The following TTN variants were observed in gnomAD, a reference collection of about 807,000 sequenced individuals.
TTN encodes the protein titin.
A neutral mutation model predicts 3,223.0 loss-of-function variants in TTN; 1,525 were observed. That is an observed-to-expected ratio of 0.47 (90% confidence interval 0.45 to 0.49). TTN has a LOEUF of 0.49. TTN is among the 20% of genes least tolerant of loss of function. The pLI, the probability that TTN is intolerant of heterozygous loss-of-function variation, is 0.00. For missense variants in TTN, 40,786 were observed against 43,424.0 expected (o/e 0.94, Z 5.40); for synonymous variants, 14,094 against 15,161.0 (o/e 0.93, Z 5.17).
Position 178,773,486 on chromosome 2 carries a change from T to A in TTN, c.7570A>T (p.Thr2524Ser), listed in dbSNP as rs797046067. The change falls in exon 32 of 363, where the codon ACC becomes TCC. Residue 2524 changes from threonine to serine, a missense_variant. Thr to Ser is a moderately conservative substitution (Grantham distance 58). Coordinates refer to ENST00000589042, the MANE Select transcript of TTN (RefSeq NM_001267550.2). ...CTTTCTACAGAGAGATTACAGTTGGTTTCAACTCTGCCAACTATCAGCTTG... is the reference window on the plus strand; with the variant it reads ...CTTTCTACAGAGAGATTACAGTTGGATTCAACTCTGCCAACTATCAGCTTG... ...PYKLIVGRVE[T>S]NCNLSVEKIK... 1.2e-6 allele frequency: 2 copies of A among 1,613,924 alleles called. No individual in the cohort carries two copies. The highest frequency in any genetic ancestry group is 2.7e-5 in the African/African-American group (2 of 74,930).
In TTN at chr2:178,802,282, G is replaced by A. The variant is rs397517489; in HGVS notation, c.151C>T (p.Leu51=). The change falls in exon 3 of 363, where the codon CTG becomes TTG. Residue 51 remains leucine, a synonymous_variant. Coordinates refer to ENST00000589042, the MANE Select transcript of TTN (RefSeq NM_001267550.2). ...RDGQVISTST[L]PGVQISFSDG... ...CTAAAGGAGATCTGCACGCCGGGCA[G>A]AGTGGAAGTGGAAATCACCTGGCCA... 6 of 1,614,170 alleles carry A rather than the reference G, an allele frequency of 3.7e-6. No homozygotes were observed. Among genetic ancestry groups the A allele is most frequent in the Non-Finnish European group, 4.2e-6 (5 of 1,180,016 alleles).
intron 173 of TTN, 43 bp downstream of exon 173, chr2:178,663,223 A>G (rs1380045499): frequency 6.7e-7 from 1 of 1,496,872 alleles, no homozygotes; most frequent in Non-Finnish European, 9.0e-7. Flanking sequence ...TAGTTAAAAT[A>G]ACAGTTATTT....
At position 178,688,093 on chromosome 2, in the gene TTN, C is replaced by G; in HGVS notation, c.32311+18G>C. 1 of 1,602,560 alleles carries G rather than the reference C, an allele frequency of 6.2e-7. No individual in the cohort carries two copies. The highest frequency in any genetic ancestry group is 8.5e-7 in the Non-Finnish European group (1 of 1,171,012). On this transcript the variant is annotated intron_variant, in intron 127 of 362. Transcript: ENST00000589042. ...CATCAAAACCCCAGATCATCTCTAG[C>G]TTATTTGCATTGTTTACCTTCATAT...
chr2:178,573,501 A>T lies in TTN; in HGVS notation c.72631T>A (p.Ser24211Thr), dbSNP rs758212615. The change falls in exon 326 of 363, where the codon TCA becomes ACA. Residue 24211 changes from serine to threonine, a missense_variant. Physicochemically the swap from Ser to Thr is moderately conservative, Grantham distance 58. Transcript: ENST00000589042. ...GGATTCACTGCAAGCACAGGCTCTGATTCCAGTGGCTCTCCCACTCCATAT... is the reference window on the plus strand; with the variant it reads ...GGATTCACTGCAAGCACAGGCTCTGTTTCCAGTGGCTCTCCCACTCCATAT... Reference protein sequence around the residue: ...NKYGVGEPLESEPVLAVNPYG... With the variant: ...NKYGVGEPLETEPVLAVNPYG... 26 of 1,498,416 alleles carry T rather than the reference A, an allele frequency of 1.7e-5. No homozygotes were observed. The highest frequency in any genetic ancestry group is 3.6e-4 in the Middle Eastern group (2 of 5,576). The allele number at this position is 1,498,416 out of a possible 1,614,324, so 92.8% of individuals were successfully genotyped here. A position where few individuals can be genotyped will look rare whatever the true frequency, so the allele number is the denominator to read the frequency against.
In TTN at chr2:178,569,374, G is replaced by T. The variant is rs1371288648; in HGVS notation, c.76758C>A (p.Ser25586Arg). 1.9e-6 allele frequency: 3 copies of T among 1,613,290 alleles called. No homozygotes were observed. The highest frequency in any genetic ancestry group is 2.2e-5 in the East Asian group (1 of 44,846). The change falls in exon 326 of 363, where the codon AGC (serine) becomes AGA (arginine). Residue 25586 changes from serine (S) to arginine (R), a missense_variant. Ser to Arg is a moderately radical substitution (Grantham distance 110). Transcript: ENST00000589042. Reference sequence around the variant, plus strand: ...TAACAAAGGCAGACTTTGTTCCACTGCTGTTTTCTAATGTAAGCGTATATT... The same window carrying T: ...TAACAAAGGCAGACTTTGTTCCACTTCTGTTTTCTAATGTAAGCGTATATT... ...SGKYTLTLEN[S>R]SGTKSAFVTV...
At position 178,572,220 on chromosome 2, in the gene TTN, C is replaced by T. The variant is rs867655242; in HGVS notation, c.73912G>A (p.Glu24638Lys). 1.2e-6 allele frequency: 2 copies of T among 1,613,420 alleles called. No individual in the cohort carries two copies. The highest frequency in any genetic ancestry group is 8.5e-7 in the Non-Finnish European group (1 of 1,179,616). Residue 24638 changes from glutamate to lysine, a missense_variant, in exon 326 of 363, where the codon GAG becomes AAG. Transcript: ENST00000589042. ...VTRNSVSLSW[E>K]KPEHDGGSRI... Reference sequence around the variant, plus strand: ...CTGCCTCCATCATGCTCTGGTTTCTCCCAAGAGAGTGACACACTATTTCTT... The same window carrying T: ...CTGCCTCCATCATGCTCTGGTTTCTTCCAAGAGAGTGACACACTATTTCTT...
chr2:178,571,877 T>C lies in TTN; in HGVS notation c.74255A>G (p.Asp24752Gly), dbSNP rs775906538. ...RPTPAVTWHK[D>G]NVPLKQTTRV... ...AGTTGTCTGCTTCAGTGGTACATTA[T>C]CTTTATGCCAGGTTACAGCTGGGGT... The change falls in exon 326 of 363, where the codon GAT becomes GGT. Residue 24752 changes from aspartate (D) to glycine (G), a missense_variant. Transcript: ENST00000589042. 6.2e-7 allele frequency: 1 copy of C among 1,613,546 alleles called. No individual in the cohort carries two copies. Among genetic ancestry groups the C allele is most frequent in the South Asian group, 1.1e-5 (1 of 91,072 alleles).
In TTN at chr2:178,769,790, C is replaced by T. The variant is rs756031984; in HGVS notation, c.8791G>A (p.Val2931Met). Residue 2931 changes from valine to methionine, a missense_variant, in exon 37 of 363, where the codon GTG becomes ATG. Coordinates refer to ENST00000589042, the MANE Select transcript of TTN (RefSeq NM_001267550.2). ...IEMSEKFKIV[V>M]QGKLHQLIIM... Reference sequence around the variant, plus strand: ...ATCAGCTGATGGAGTTTTCCCTGCACAACTATCTTGAACTTTTCACTCATC... The same window carrying T: ...ATCAGCTGATGGAGTTTTCCCTGCATAACTATCTTGAACTTTTCACTCATC... 6.2e-7 allele frequency: 1 copy of T among 1,614,066 alleles called. No homozygotes were observed. The highest frequency in any genetic ancestry group is 1.1e-5 in the South Asian group (1 of 91,074).
chr2:178,722,042 C>G lies in TTN; in HGVS notation c.22621G>C (p.Ala7541Pro), dbSNP rs2078459574. The part of the protein sequence containing the change: ...SADFECHVTG[A>P]QPMRITWSKD... ...GACCAAGTGATTCGCATCGGTTGAG[C>G]ACCAGTAACATGACACTCAAAATCA... Residue 7541 changes from alanine (A) to proline (P), a missense_variant, in exon 78 of 363, where the codon GCT becomes CCT. Coordinates refer to ENST00000589042, the MANE Select transcript of TTN (RefSeq NM_001267550.2). 19 of 1,613,204 alleles carry G rather than the reference C, an allele frequency of 1.2e-5. No individual in the cohort carries two copies. The highest frequency in any genetic ancestry group is 1.6e-5 in the Non-Finnish European group (19 of 1,179,446).
intron 149 of TTN, among the ~76,000 whole-genome samples, chr2:178,675,470 A>G (rs377622358): frequency 6.6e-6 from 1 of 151,776 alleles, no homozygotes; most frequent in Non-Finnish European, 1.5e-5. Context: ...TAGAAACAAC[A>G]TACATAGAGA....
intron 313 of TTN, 36 bp from the exon 314 acceptor site, chr2:178,582,628 T>C (rs1205978048): frequency 1.9e-6 from 3 of 1,567,036 alleles, no homozygotes; most frequent in South Asian, 1.2e-5. Flanking sequence ...ATATGTGGAA[T>C]GGGGAATGAG....
rs749424660 is a variant in TTN at position 178,536,015 on chromosome 2, A to G, written c.100732T>C (p.Ser33578Pro). The part of the protein sequence containing the change: ...YQVRATNQGG[S>P]VSGTASLEVE... Reference sequence around the variant, plus strand: ...TCCAAGGAGGCAGTGCCAGACACAGATCCCCCTTGGTTGGTAGCTCTGACT... The same window carrying G: ...TCCAAGGAGGCAGTGCCAGACACAGGTCCCCCTTGGTTGGTAGCTCTGACT... Residue 33578 changes from serine (S) to proline (P), a missense_variant, in exon 357 of 363, where the codon TCT becomes CCT. By Grantham distance (74) the Ser-to-Pro change is moderately conservative (BLOSUM62 -1). Coordinates refer to ENST00000589042, the MANE Select transcript of TTN (RefSeq NM_001267550.2). The G allele has an allele frequency of 1.9e-6, 3 of 1,555,952 alleles. No individual in the cohort carries two copies. Among genetic ancestry groups the G allele is most frequent in the Non-Finnish European group, 2.6e-6 (3 of 1,151,966 alleles).
chr2:178,672,274 G>A lies in TTN; in HGVS notation c.34931-7C>T, dbSNP rs1399634823. 1.3e-6 allele frequency: 2 copies of A among 1,589,970 alleles called. No homozygotes were observed. The highest frequency in any genetic ancestry group is 4.7e-5 in the East Asian group (2 of 42,252). On this transcript the variant is annotated splice_region_variant and splice_polypyrimidine_tract_variant and intron_variant, in intron 154 of 362. Coordinates refer to ENST00000589042, the MANE Select transcript of TTN (RefSeq NM_001267550.2). ...TCTTCAAGGACAGTTCTCCCTGAAAGAGCATCTATTTTAAGACTTATTTTT... is the reference window on the plus strand; with the variant it reads ...TCTTCAAGGACAGTTCTCCCTGAAAAAGCATCTATTTTAAGACTTATTTTT...
chr2:178,612,642 G>A lies in TTN; in HGVS notation c.49949-66C>T. The stretch of plus-strand genomic sequence containing the variant: ...ATTACCCAATAGTCAGTCTGAAAGT[G>A]CAGGCAGTCATTAAGAAGTAATGTA... On this transcript the variant is annotated intron_variant, in intron 265 of 362. Coordinates refer to ENST00000589042, the MANE Select transcript of TTN (RefSeq NM_001267550.2). The A allele has an allele frequency of 1.9e-6, 3 of 1,548,558 alleles. 1 individual carries two copies. The South Asian group carries it at 3.7e-5, about 19-fold the overall frequency.
Position 178,729,475 on chromosome 2 carries a change from C to A in TTN, c.18681G>T (p.Pro6227=). The change falls in exon 64 of 363, where the codon CCG becomes CCT. Residue 6227 remains proline, a synonymous_variant. Coordinates refer to ENST00000589042, the MANE Select transcript of TTN (RefSeq NM_001267550.2). ...TATTCTTCAGCCAAGTGACTTCAAA[C>A]GGAGGTGTTCCCGTAACTTCACACT... ...ELECEVTGTP[P]FEVTWLKNNR... is the part of the protein sequence containing the mutation. The A allele has an allele frequency of 6.2e-7, 1 of 1,613,614 alleles. No individual in the cohort carries two copies. Among genetic ancestry groups the A allele is most frequent in the Non-Finnish European group, 8.5e-7 (1 of 1,179,640 alleles).
In TTN at chr2:178,576,670, T is replaced by A. The variant is rs1343160471; in HGVS notation, c.69574A>T (p.Thr23192Ser). 2 of 1,613,516 alleles carry A rather than the reference T, an allele frequency of 1.2e-6. No individual in the cohort carries two copies. The highest frequency in any genetic ancestry group is 4.5e-5 in the East Asian group (2 of 44,824). The change falls in exon 325 of 363, where the codon ACA becomes TCA. Residue 23192 changes from threonine to serine, a missense_variant. Physicochemically the swap from Thr to Ser is moderately conservative, Grantham distance 58. Transcript: ENST00000589042. The surrounding 1 kb of genome is among the most constrained non-coding windows in gnomAD (Gnocchi z 4.3). ...KSLRWVRAIK[T>S]PVSDLRCKVT... ...TTGCACCTGAGATCGGAAACTGGTGTTTTTATTGCTCTCACCCATCGCAGG... is the reference window on the plus strand; with the variant it reads ...TTGCACCTGAGATCGGAAACTGGTGATTTTATTGCTCTCACCCATCGCAGG...
chr2:178,669,226 A>G, intron 159 of TTN, 147 bp downstream of exon 159: 1 of 624,450 alleles, frequency 1.6e-6, no homozygotes, highest in South Asian at 2.1e-5. Flanking sequence ...GATAATAGAC[A>G]CTAAGATTAT....
chr2:178,617,278 G>A, intron 254 of TTN, 44 bp from the exon 255 acceptor site: 2 of 1,542,420 alleles, frequency 1.3e-6, no homozygotes, highest in Non-Finnish European at 1.7e-6. Context: ...ATACAGTTAT[G>A]TCCATGATCC....
chr2:178,781,178 T>C lies in TTN; in HGVS notation c.3466A>G (p.Ile1156Val). 1 of 1,614,040 alleles carries C rather than the reference T, an allele frequency of 6.2e-7. No homozygotes were observed. Residue 1156 changes from isoleucine to valine, a missense_variant, in exon 21 of 363, where the codon ATT (isoleucine) becomes GTT (valine). By Grantham distance (29) the Ile-to-Val change is conservative. Transcript: ENST00000589042. Reference sequence around the variant, plus strand: ...TCTCCATGCTTATTGCGAACAACAATAGTGTATTCTCCAGCATCATCAGCA... The same window carrying C: ...TCTCCATGCTTATTGCGAACAACAACAGTGTATTCTCCAGCATCATCAGCA... ...TFADDAGEYT[I>V]VVRNKHGETS...
Sources: gnomAD v4.1 joint callset for allele counts (sites outside exome capture counted in the v4.1 genomes callset) on GRCh38, gnomAD v4.1.1 for gene constraint, Gnocchi (gnomAD v3.1) non-coding constraint, MANE v1.5 for transcripts, NCBI Gene and HGNC (gene_info 2026-07-23, HGNC 2026-07-21) for gene names.